The following SOX5 variants were observed in gnomAD, a reference collection of about 807,000 sequenced individuals.
SOX5 encodes transcription factor SOX-5.
In SOX5, 9 loss-of-function variants were observed where a neutral mutation model predicts 92.0. That is an observed-to-expected ratio of 0.10 (90% confidence interval 0.06 to 0.17). SOX5 has a LOEUF of 0.17. SOX5 is among the 10% of genes least tolerant of loss of function. The pLI is 1.00. For missense variants in SOX5, 642 were observed against 944.5 expected (o/e 0.68, Z 4.20); for synonymous variants, 344 against 336.3 (o/e 1.02, Z -0.25).
chr12:23,931,907 C>G (rs76547430), intron 1 of SOX5, among the ~76,000 whole-genome samples: 1 of 151,510 alleles, frequency 6.6e-6, no homozygotes, highest in Non-Finnish European at 1.5e-5. Flanking sequence ...TGGCTATCTT[C>G]AGAGTAGACA....
chr12:23,568,297 C>T (rs908492173), intron 10 of SOX5, among the ~76,000 whole-genome samples: 1 of 152,086 alleles, frequency 6.6e-6, no homozygotes, highest in Non-Finnish European at 1.5e-5. Context: ...AGGAACCCAC[C>T]CTGCTGACAC....
chr12:23,694,260 G>C (rs191642436), intron 6 of SOX5, among the ~76,000 whole-genome samples: 52 of 152,178 alleles, frequency 3.4e-4, no homozygotes, highest in Admixed American at 1.1e-3. Flanking sequence ...ATAATACTTT[G>C]CTTCACATAT....
intron 2 of SOX5, among the ~76,000 whole-genome samples, chr12:24,322,279 T>C (rs1187363387): frequency 6.6e-6 from 1 of 152,142 alleles, no homozygotes; most frequent in Non-Finnish European, 1.5e-5. Flanking sequence ...ATTGCTGGCA[T>C]ACACTATCAT....
chr12:23,612,253 T>G (rs370250808), intron 8 of SOX5, among the ~76,000 whole-genome samples: 4 of 152,084 alleles, frequency 2.6e-5, no homozygotes, highest in Admixed American at 2.6e-4. Flanking sequence ...GATGTACATA[T>G]TTTGAGGGTA....
chr12:24,086,033 C>A (rs1359757423), intron 4 of SOX5, among the ~76,000 whole-genome samples: 2 of 151,680 alleles, frequency 1.3e-5, no homozygotes, highest in East Asian at 3.9e-4. Context: ...TATTTCTCAG[C>A]TCAGACTACT....
intron 2 of SOX5, among the ~76,000 whole-genome samples, chr12:24,305,201 AG>A (rs1203418276): frequency 6.6e-6 from 1 of 152,232 alleles, no homozygotes; most frequent in Non-Finnish European, 1.5e-5. Flanking sequence ...AAATAAAGAA[AG>A]TGATATTTCT....
chr12:24,002,666 A>C (rs1951728741), intron 4 of SOX5, among the ~76,000 whole-genome samples: 1 of 151,806 alleles, frequency 6.6e-6, no homozygotes, highest in African/African-American at 2.4e-5. Flanking sequence ...TTTCCACAAA[A>C]ATACTTTATA....
At chr12:23,762,914 A>T (rs1187127633) in intron 3 of SOX5, among the ~76,000 whole-genome samples, 1 of 152,196 alleles carries the variant, frequency 6.6e-6, no homozygotes, top group Non-Finnish European at 1.5e-5. Flanking sequence ...TTCATATGTG[A>T]TAGAAAATCA....
chr12:23,997,940 C>T (rs1951191646), intron 4 of SOX5, among the ~76,000 whole-genome samples: 1 of 152,188 alleles, frequency 6.6e-6, no homozygotes, highest in Middle Eastern at 3.4e-3. Context: ...ACAGAAACAA[C>T]AACAACTACT....
chr12:23,556,302 TAG>T (rs1945161333), intron 11 of SOX5, among the ~76,000 whole-genome samples: 1 of 152,210 alleles, frequency 6.6e-6, no homozygotes, highest in Admixed American at 6.5e-5. Flanking sequence ...ATTTGCAGGG[TAG>T]AGAGACTCTG....
At chr12:23,763,111 C>T (rs183857044) in intron 3 of SOX5, among the ~76,000 whole-genome samples, 136 of 152,290 alleles carry the variant, frequency 8.9e-4, no homozygotes, top group South Asian at 1.7e-3. Context: ...TATAATGTCA[C>T]ATATAACCTG....
intron 3 of SOX5, among the ~76,000 whole-genome samples, chr12:23,818,772 AT>A (rs1271300174): frequency 6.6e-6 from 1 of 152,100 alleles, no homozygotes; most frequent in East Asian, 1.9e-4. Context: ...TCTATGAGCT[AT>A]TTTTCTATTC....
chr12:24,428,759 A>C (rs964624197), intron 1 of SOX5, among the ~76,000 whole-genome samples: 4 of 118,332 alleles, frequency 3.4e-5, no homozygotes, highest in African/African-American at 6.5e-5. Context: ...AAAAAAAAAA[A>C]GCTAATTTCC....
intron 4 of SOX5, among the ~76,000 whole-genome samples, chr12:24,074,010 C>G (rs559801897): frequency 1.3e-5 from 2 of 152,150 alleles, no homozygotes; most frequent in Middle Eastern, 6.8e-3. Flanking sequence ...TGACACTGCA[C>G]TCTAGCCTGG....
chr12:23,692,981 C>G (rs2089156227), intron 6 of SOX5, among the ~76,000 whole-genome samples: 1 of 152,080 alleles, frequency 6.6e-6, no homozygotes, highest in Admixed American at 6.6e-5. Context: ...CAATATAACT[C>G]CTTAGCTTTG....
intron 1 of SOX5, among the ~76,000 whole-genome samples, chr12:24,375,316 ACTCCATCCTGCTCCTGGGCCTGAAC>A (rs1957148695): frequency 2.0e-5 from 3 of 151,652 alleles, no homozygotes; most frequent in Admixed American, 6.6e-5. Context: ...CCCCTCCTTC[ACTCCATCCTGCTCCTGGGCCTGAAC>A]GGGGAAATGG....
At chr12:23,568,205 A>G (rs1335733230) in intron 10 of SOX5, among the ~76,000 whole-genome samples, 1 of 152,178 alleles carries the variant, frequency 6.6e-6, no homozygotes, top group Admixed American at 6.5e-5. Context: ...ATATGCAGGC[A>G]GAGATTGGAG....
At chr12:24,067,809 AAG>A (rs1941017233) in intron 4 of SOX5, among the ~76,000 whole-genome samples, 2 of 152,194 alleles carry the variant, frequency 1.3e-5, no homozygotes, top group Non-Finnish European at 2.9e-5. Flanking sequence ...AGGTGAAACT[AAG>A]AGTAAAAATA....
At chr12:23,956,727 C>T (rs983906371) in intron 4 of SOX5, among the ~76,000 whole-genome samples, 8 of 151,986 alleles carry the variant, frequency 5.3e-5, no homozygotes, top group African/African-American at 1.9e-4. Context: ...ACTTTGTCAC[C>T]CAGGCTGGAG....
Sources: gnomAD v4.1 joint callset for allele counts (sites outside exome capture counted in the v4.1 genomes callset) on GRCh38, gnomAD v4.1.1 for gene constraint, MANE v1.5 for transcripts, NCBI Gene and HGNC (gene_info 2026-07-23, HGNC 2026-07-21) for gene names.